Variants in IGSF10 observed in about 807,000 individuals in gnomAD.
IGSF10 encodes calvaria mechanical force protein 608.
Under a neutral mutation model 128.2 loss-of-function variants are expected in IGSF10, and 126 were observed. That is an observed-to-expected ratio of 0.98 (90% confidence interval 0.85 to 1.14). IGSF10 has a LOEUF of 1.14. Among genes scored for constraint, IGSF10 ranks in the 50% most tolerant of loss-of-function variants. IGSF10 has a pLI of 0.00. For missense variants in IGSF10, 3,295 were observed against 3,149.8 expected, an observed-to-expected ratio of 1.05 and a Z score of -1.10; for synonymous variants, 1,185 against 1,146.2, an observed-to-expected ratio of 1.03 and a Z score of -0.68.
the IGSF10 span, among the ~76,000 whole-genome samples, chr3:151,509,833 G>A: frequency 5.9e-5 from 9 of 152,194 alleles, no homozygotes; most frequent in African/African-American, 1.7e-4. Context: ...ATTATATCCT[G>A]CACATGGCTC....
the IGSF10 span, among the ~76,000 whole-genome samples, chr3:151,506,183 G>A: frequency 1.3e-5 from 2 of 152,128 alleles, no homozygotes; most frequent in Non-Finnish European, 2.9e-5. Flanking sequence ...TCGATCTCCT[G>A]ACCTCATGTG....
At chr3:151,528,815 T>C in the IGSF10 span, among the ~76,000 whole-genome samples, 14 of 127,012 alleles carry the variant, frequency 1.1e-4, no homozygotes, top group Non-Finnish European at 1.7e-4. Context: ...TTTTTTTTTT[T>C]TTCATACCCC....
At chr3:151,611,902 G>A in the IGSF10 span, among the ~76,000 whole-genome samples, 5 of 152,100 alleles carry the variant, frequency 3.3e-5, no homozygotes, top group East Asian at 1.9e-4. Flanking sequence ...AACTATGTAC[G>A]AATTTCCTTC....
the IGSF10 span, among the ~76,000 whole-genome samples, chr3:151,503,682 C>G: frequency 0.059 from 8,973 of 152,182 alleles, 326 homozygotes; most frequent in African/African-American, 0.1. Flanking sequence ...AGAGGAATTG[C>G]AGCAGATAAA....
the IGSF10 span, among the ~76,000 whole-genome samples, chr3:151,570,004 A>G: frequency 6.6e-6 from 1 of 150,526 alleles, no homozygotes. Flanking sequence ...TGTCCTTGTG[A>G]TAAGTTTGCT....
At chr3:151,552,346 G>A in the IGSF10 span, among the ~76,000 whole-genome samples, 23 of 152,194 alleles carry the variant, frequency 1.5e-4, 1 homozygote, top group Admixed American at 1.1e-3. Context: ...CTAATACACC[G>A]CATGACAGCC....
the IGSF10 span, among the ~76,000 whole-genome samples, chr3:151,540,607 G>T: frequency 6.6e-6 from 1 of 152,118 alleles, no homozygotes; most frequent in Non-Finnish European, 1.5e-5. Flanking sequence ...ATTCTTGTTC[G>T]TACCTCTGGT....
At chr3:151,607,871 A>G in the IGSF10 span, among the ~76,000 whole-genome samples, 1 of 134,806 alleles carries the variant, frequency 7.4e-6, no homozygotes, top group African/African-American at 2.8e-5. Context: ...AGATTGCGCC[A>G]CTGCACTCCA....
Position 151,446,934 on chromosome 3 carries a change from A to G in IGSF10, c.3047T>C (p.Ile1016Thr). The change falls in exon 6 of 8, where the codon ATT becomes ACT. Residue 1016 changes from isoleucine to threonine, a missense_variant. By Grantham distance (89) the Ile-to-Thr change is moderately conservative. Coordinates refer to ENST00000282466, the MANE Select transcript of IGSF10 (RefSeq NM_178822.5). ...LFRRFGRQRK[I>T]GGRGRIISPY... ...GCTGATAATCCGCCCCCTTCCGCCA[A>G]TTTTCCTCTGCCTCCCAAAGCGTCT... 1 of 1,614,100 alleles carries G rather than the reference A, an allele frequency of 6.2e-7. No homozygotes were observed.
At chr3:151,500,959 G>T in the IGSF10 span, among the ~76,000 whole-genome samples, 21 of 151,814 alleles carry the variant, frequency 1.4e-4, 1 homozygote, top group Admixed American at 1.2e-3. Context: ...AGGGAAAGGT[G>T]CTAGAAGTCA....
rs1208471190 is a variant in IGSF10, at chr3:151,447,279, G to A, written c.2702C>T (p.Thr901Ile). The A allele has an allele frequency of 6.2e-7, 1 of 1,614,192 alleles. No individual in the cohort carries two copies. Among genetic ancestry groups the A allele is most frequent in the Non-Finnish European group, 8.5e-7 (1 of 1,180,030 alleles). The part of the protein sequence containing the change: ...STVFPLLLGA[T>I]EFQDSDQMGR... ...CATCTGGTCAGAGTCCTGAAATTCA[G>A]TTGCTCCAAGTAGCAGTGGAAAGAC... is the stretch of plus-strand genomic sequence containing the variant. The change falls in exon 6 of 8, where the codon ACT (threonine) becomes ATT (isoleucine). Residue 901 changes from threonine to isoleucine, a missense_variant. Physicochemically the swap from Thr to Ile is moderately conservative, Grantham distance 89. Transcript: ENST00000282466.
At chr3:151,485,585 A>G in the IGSF10 span, among the ~76,000 whole-genome samples, 5 of 152,370 alleles carry the variant, frequency 3.3e-5, no homozygotes, top group South Asian at 1.0e-3. Context: ...GAAGCCCATC[A>G]GACTAACAGT....
chr3:151,613,399 G>A, the IGSF10 span, among the ~76,000 whole-genome samples: 1 of 152,188 alleles, frequency 6.6e-6, no homozygotes, highest in Non-Finnish European at 1.5e-5. Context: ...AAAGCTGGAG[G>A]CATCACGCTA....
At chr3:151,497,012 T>C in the IGSF10 span, among the ~76,000 whole-genome samples, 1 of 152,222 alleles carries the variant, frequency 6.6e-6, no homozygotes, top group Non-Finnish European at 1.5e-5. Flanking sequence ...CTTCACCCAC[T>C]TGTTGATAGG....
the IGSF10 span, among the ~76,000 whole-genome samples, chr3:151,598,785 T>C: frequency 2.6e-5 from 4 of 152,212 alleles, no homozygotes; most frequent in South Asian, 2.1e-4. Context: ...GTGCCAACTG[T>C]ACAAGTTTGG....
At chr3:151,557,327 T>C in the IGSF10 span, among the ~76,000 whole-genome samples, 2 of 152,146 alleles carry the variant, frequency 1.3e-5, no homozygotes, top group Non-Finnish European at 2.9e-5. Flanking sequence ...CAGACAGTTG[T>C]CCAGGACAAA....
the IGSF10 span, among the ~76,000 whole-genome samples, chr3:151,595,850 G>A: frequency 9.9e-5 from 15 of 151,974 alleles, no homozygotes; most frequent in African/African-American, 2.9e-4. Context: ...TTGCAGTTAC[G>A]TAGTGGAATG....
the IGSF10 span, among the ~76,000 whole-genome samples, chr3:151,481,123 GC>G: frequency 1.3e-5 from 2 of 152,100 alleles, no homozygotes; most frequent in Admixed American, 6.5e-5. Flanking sequence ...AGATCCAGAG[GC>G]TCTGCTGACT....
the IGSF10 span, chr3:151,476,172 ATGTAT>A: frequency 8.5e-5 from 13 of 152,216 alleles, no homozygotes; most frequent in African/African-American, 2.9e-4. Context: ...TACTGCTATG[ATGTAT>A]TGAGATACTT....
Sources: gnomAD v4.1 joint callset for allele counts (sites outside exome capture counted in the v4.1 genomes callset) on GRCh38, gnomAD v4.1.1 for gene constraint, MANE v1.5 for transcripts, NCBI Gene and HGNC (gene_info 2026-07-23, HGNC 2026-07-21) for gene names.